R3HCC1L: variants seen among roughly 807,000 people sequenced by gnomAD.
R3HCC1L encodes R3H domain and coiled-coil containing 1 like, also known as coiled-coil domain-containing protein R3HCC1L.
In R3HCC1L, 51 loss-of-function variants were observed where a neutral mutation model predicts 59.9. That is an observed-to-expected ratio of 0.85 (90% CI 0.68 to 1.07). R3HCC1L has a LOEUF of 1.07. Among genes scored for constraint, R3HCC1L ranks in the 50% least tolerant of loss-of-function variants. R3HCC1L has a pLI of 0.00. For synonymous variants in R3HCC1L, 322 were observed against 315.2 expected (o/e 1.02, Z -0.23); for missense variants, 965 against 933.0 (o/e 1.03, Z -0.45).
rs1364667588 is a variant in R3HCC1L at position 98,209,888 on chromosome 10, C to G, written c.1774C>G (p.Leu592Val). ...TGATGGTGACTGCCTGGATCCACGT[C>G]TTCTACAAGAGGTATGTTTAATTGA... Reference protein sequence around the residue: ...NDDGDCLDPRLLQELSGNTKS... With the variant: ...NDDGDCLDPRVLQELSGNTKS... The change falls in exon 5 of 10, where the codon CTT (leucine) becomes GTT (valine). Residue 592 changes from leucine (L) to valine (V), a missense_variant. Transcript: ENST00000298999. 1 of 1,609,246 alleles carries G rather than the reference C, an allele frequency of 6.2e-7. No individual in the cohort carries two copies. The highest frequency in any genetic ancestry group is 2.2e-5 in the East Asian group (1 of 44,812).
At chr10:98,236,808 C>T (rs1432543642) in intron 9 of R3HCC1L, among the ~76,000 whole-genome samples, 1 of 152,172 alleles carries the variant, frequency 6.6e-6, no homozygotes, top group Non-Finnish European at 1.5e-5. Context: ...CCTCTACAGG[C>T]TGTTGAATTG....
At chr10:98,228,500 T>G (rs987028735) in intron 5 of R3HCC1L, among the ~76,000 whole-genome samples, 7 of 152,158 alleles carry the variant, frequency 4.6e-5, no homozygotes, top group South Asian at 2.1e-4. Context: ...GTCAGATGAG[T>G]AGATTGCAAA....
chr10:98,144,606 T>G (rs2133914542), intron 1 of R3HCC1L, among the ~76,000 whole-genome samples: 1 of 152,308 alleles, frequency 6.6e-6, no homozygotes, highest in South Asian at 2.1e-4. Context: ...AACTGAAAAC[T>G]AGGGCAAGTT....
intron 1 of R3HCC1L, among the ~76,000 whole-genome samples, chr10:98,146,731 A>G (rs1845692122): frequency 6.6e-6 from 1 of 152,214 alleles, no homozygotes; most frequent in South Asian, 2.1e-4. Context: ...GAGACTCCCA[A>G]TTTCATTCTT....
chr10:98,169,485 A>G (rs1848299650), intron 4 of R3HCC1L, among the ~76,000 whole-genome samples: 1 of 152,204 alleles, frequency 6.6e-6, no homozygotes. Flanking sequence ...AGCACTCTGT[A>G]AATGGTAGCT....
chr10:98,135,414 T>C (rs1428694192), intron 1 of R3HCC1L, among the ~76,000 whole-genome samples: 1 of 152,190 alleles, frequency 6.6e-6, no homozygotes, highest in Non-Finnish European at 1.5e-5. Context: ...GGGTTAATGT[T>C]CTTTGCCCTG....
chr10:98,143,333 C>G (rs556419014), intron 1 of R3HCC1L, among the ~76,000 whole-genome samples: 7 of 152,318 alleles, frequency 4.6e-5, no homozygotes, highest in African/African-American at 1.7e-4. Flanking sequence ...AAACTTGTGA[C>G]CATCTCTCAA....
intron 5 of R3HCC1L, among the ~76,000 whole-genome samples, chr10:98,225,039 T>C (rs1855509067): frequency 6.6e-6 from 1 of 152,226 alleles, no homozygotes; most frequent in African/African-American, 2.4e-5. Flanking sequence ...ATGTAATCGG[T>C]ATAAAAAATT....
At chr10:98,201,679 A>G (rs1272094587) in intron 4 of R3HCC1L, among the ~76,000 whole-genome samples, 1 of 152,192 alleles carries the variant, frequency 6.6e-6, no homozygotes, top group African/African-American at 2.4e-5. Context: ...TTTTCTAGAA[A>G]AGAAAGCAGA....
chr10:98,231,091 G>A (rs548426841), intron 5 of R3HCC1L: 24 of 393,398 alleles, frequency 6.1e-5, no homozygotes, highest in Admixed American at 1.9e-4. Context: ...TTTCATTTTT[G>A]TTCACTTCCA....
At chr10:98,207,899 G>A (rs1852892312) in intron 4 of R3HCC1L, among the ~76,000 whole-genome samples, 1 of 152,060 alleles carries the variant, frequency 6.6e-6, no homozygotes, top group Non-Finnish European at 1.5e-5. Flanking sequence ...GGTGGCATGT[G>A]TCTGGTCCTA....
chr10:98,163,406 C>A lies in R3HCC1L; in HGVS notation c.-15+9C>A. ...TAAATGTTACTTACATGGTAAGTTG[C>A]CTTTACTTATGCATATTTTATAGAA... On this transcript the variant is annotated intron_variant, in intron 4 of 9. Coordinates refer to ENST00000298999, the MANE Select transcript of R3HCC1L (RefSeq NM_001351015.2). 7.6e-7 allele frequency: 1 copy of A among 1,324,058 alleles called. No homozygotes were observed. The highest frequency in any genetic ancestry group is 1.0e-6 in the Non-Finnish European group (1 of 991,234). The allele number at this position is 1,324,058 out of a possible 1,614,324, so 82.0% of individuals were successfully genotyped here.
intron 4 of R3HCC1L, among the ~76,000 whole-genome samples, chr10:98,172,578 C>T (rs1021108072): frequency 6.6e-6 from 1 of 152,176 alleles, no homozygotes; most frequent in Non-Finnish European, 1.5e-5. Flanking sequence ...TAGAAGCTGG[C>T]TGATAATGCT....
intron 4 of R3HCC1L, among the ~76,000 whole-genome samples, chr10:98,173,588 G>T (rs769179443): frequency 6.6e-6 from 1 of 152,120 alleles, no homozygotes; most frequent in Non-Finnish European, 1.5e-5. Flanking sequence ...CTGTCCATCC[G>T]TCACTTCGCA....
chr10:98,156,774 G>A (rs1017456991), intron 2 of R3HCC1L, among the ~76,000 whole-genome samples: 2 of 152,170 alleles, frequency 1.3e-5, no homozygotes, highest in African/African-American at 4.8e-5. Flanking sequence ...GAAGTAAGGG[G>A]CTAAGCTAAC....
At chr10:98,144,069 G>T (rs1402674489) in intron 1 of R3HCC1L, among the ~76,000 whole-genome samples, 1 of 152,064 alleles carries the variant, frequency 6.6e-6, no homozygotes, top group Admixed American at 6.6e-5. Flanking sequence ...TTTGTGGGGG[G>T]TCCGAAGCAA....
chr10:98,161,977 CTGT>C (rs1564631916), intron 2 of R3HCC1L, among the ~76,000 whole-genome samples: 1 of 152,086 alleles, frequency 6.6e-6, no homozygotes, highest in Admixed American at 6.5e-5. Flanking sequence ...CTTTTTAATG[CTGT>C]TGTTTTGTGC....
In R3HCC1L at chr10:98,244,225, A is replaced by G; in HGVS notation, c.*67A>G. On this transcript the variant is annotated 3_prime_UTR_variant, in exon 10 of 10. Transcript: ENST00000298999. ...GTTTCCATAGCCTTCAGATAAGATG[A>G]TCCTTCCAGAGCTCTATGTACATGC... 1 of 1,453,772 alleles carries G rather than the reference A, an allele frequency of 6.9e-7. No homozygotes were observed. The highest frequency in any genetic ancestry group is 9.6e-7 in the Non-Finnish European group (1 of 1,037,290). 90.1% of individuals were successfully genotyped at this position (1,453,772 alleles called of 1,614,324 possible). A position where few individuals can be genotyped will look rare whatever the true frequency, so the allele number is the denominator to read the frequency against.
At chr10:98,203,889 T>C (rs1427122248) in intron 4 of R3HCC1L, among the ~76,000 whole-genome samples, 1 of 152,146 alleles carries the variant, frequency 6.6e-6, no homozygotes, top group Non-Finnish European at 1.5e-5. Flanking sequence ...CTAAAATATT[T>C]TAAAGGCATG....
Sources: allele counts gnomAD v4.1 joint callset (sites outside exome capture counted in the v4.1 genomes callset), GRCh38; gene constraint gnomAD v4.1.1; transcripts MANE v1.5; gene names NCBI Gene and HGNC (gene_info 2026-07-23, HGNC 2026-07-21).